PARP9: variants seen among roughly 807,000 people sequenced by gnomAD.
PARP9 encodes the protein poly(ADP-ribose) polymerase family member 9.
In PARP9, 48 loss-of-function variants were observed where a neutral mutation model predicts 68.8. That is an observed-to-expected ratio of 0.70 (90% CI 0.55 to 0.89). The LOEUF is 0.89. Among genes scored for constraint, PARP9 ranks in the 40% least tolerant of loss-of-function variants. The probability of loss-of-function intolerance (pLI) is 0.00; values close to 1 mark genes in which losing one functional copy is unlikely to be tolerated. For missense variants in PARP9, 806 were observed against 969.3 expected, an observed-to-expected ratio of 0.83 and a Z score of 2.24; for synonymous variants, 309 against 333.8, an observed-to-expected ratio of 0.93 and a Z score of 0.81.
At chr3:122,544,263 G>T (rs973989477) in intron 7 of PARP9, among the ~76,000 whole-genome samples, 1 of 152,130 alleles carries the variant, frequency 6.6e-6, no homozygotes, top group African/African-American at 2.4e-5. Flanking sequence ...CAGTCAAAAG[G>T]AATCCCTTTC....
intron 1 of PARP9, 97 bp downstream of exon 1, chr3:122,564,148 C>T: frequency 2.1e-6 from 1 of 476,616 alleles, no homozygotes; most frequent in Non-Finnish European, 3.7e-6. Flanking sequence ...AGGCCTGGCC[C>T]TGGGACCCGG....
chr3:122,539,649 C>T (rs768963561), intron 8 of PARP9, among the ~76,000 whole-genome samples: 2 of 151,664 alleles, frequency 1.3e-5, no homozygotes. Flanking sequence ...CAACCTCTGC[C>T]TCCTGGGTTC....
chr3:122,550,349 G>C (rs762202582), intron 6 of PARP9, among the ~76,000 whole-genome samples: 16 of 152,202 alleles, frequency 1.1e-4, no homozygotes, highest in Non-Finnish European at 2.1e-4. Flanking sequence ...AGAGTGCTGG[G>C]ATTACAGGTG....
chr3:122,536,944 T>C lies in PARP9; in HGVS notation c.1895A>G (p.Gln632Arg), dbSNP rs570860607. The change falls in exon 9 of 11, where the codon CAG (glutamine) becomes CGG (arginine). Residue 632 changes from glutamine (Q) to arginine (R), a missense_variant. Around this residue, in one of 2 missense-constraint regions of PARP9, gnomAD observed 680 missense variants for 858.8 expected, o/e 0.79. Transcript: ENST00000682323. ...CTTTGTTAGGTATACCTTTAGAACC[T>C]GCAAACCACATTTTTCAAACTGTTT... is the stretch of plus-strand genomic sequence containing the variant. ...QKKQFEKCGL[Q>R]VLKVEKIDNE... 2 of 1,612,752 alleles carry C rather than the reference T, an allele frequency of 1.2e-6. No individual in the cohort carries two copies. Among genetic ancestry groups the C allele is most frequent in the East Asian group, 2.2e-5 (1 of 44,868 alleles).
At chr3:122,545,674 G>C in intron 6 of PARP9, 185 bp from the exon 7 acceptor site, 1 of 579,524 alleles carries the variant, frequency 1.7e-6, no homozygotes, top group South Asian at 2.3e-5. Flanking sequence ...ATTAGAACAC[G>C]GAAAGAATAA....
chr3:122,562,282 A>G (rs371465829), intron 1 of PARP9, among the ~76,000 whole-genome samples: 1 of 151,244 alleles, frequency 6.6e-6, no homozygotes, highest in South Asian at 2.1e-4. Context: ...TCCCGGGTTC[A>G]CGCCATTCTG....
rs375530569 is a variant in PARP9, at chr3:122,528,650, T to C, written c.2174A>G (p.Tyr725Cys). ...KKISAADKLIYVFEAEVLTGF... is the reference protein window; with the variant it reads ...KKISAADKLICVFEAEVLTGF... ...TGTGAGTACTTCAGCCTCAAACACA[T>C]AGATCAGCTTATCTGCAGCAGAGAT... Residue 725 changes from tyrosine (Y) to cysteine (C), a missense_variant, in exon 11 of 11, where the codon TAT becomes TGT. Physicochemically the swap from Tyr to Cys is radical, Grantham distance 194 (BLOSUM62 -2). Coordinates refer to ENST00000682323, the MANE Select transcript of PARP9 (RefSeq NM_001146105.2). 6 of 1,614,046 alleles carry C rather than the reference T, an allele frequency of 3.7e-6. No individual in the cohort carries two copies. The African/African-American group carries it at 4.0e-5, about 11-fold the overall frequency.
intron 7 of PARP9, among the ~76,000 whole-genome samples, chr3:122,544,117 C>T (rs1559835147): frequency 6.6e-6 from 1 of 152,294 alleles, no homozygotes; most frequent in East Asian, 1.9e-4. Context: ...CCCAAACATG[C>T]ACTGGATTTC....
At chr3:122,561,121 G>A (rs998785811) in intron 1 of PARP9, among the ~76,000 whole-genome samples, 9 of 152,174 alleles carry the variant, frequency 5.9e-5, no homozygotes, top group African/African-American at 2.2e-4. Flanking sequence ...TGCCCACTCA[G>A]CCTACTATAA....
intron 6 of PARP9, among the ~76,000 whole-genome samples, chr3:122,547,119 T>TTC: frequency 7.0e-6 from 1 of 143,110 alleles, no homozygotes; most frequent in East Asian, 2.0e-4. Flanking sequence ...TTTCTTTTTT[T>TTC]TTTTTTTTGA....
intron 7 of PARP9, among the ~76,000 whole-genome samples, chr3:122,544,977 G>C (rs552078130): frequency 1.3e-5 from 2 of 152,174 alleles, no homozygotes; most frequent in Non-Finnish European, 2.9e-5. Flanking sequence ...GCGTTTGTTT[G>C]TTTTTTAAAG....
intron 10 of PARP9, chr3:122,534,020 C>T: frequency 1.0e-6 from 1 of 985,400 alleles, no homozygotes; most frequent in Non-Finnish European, 1.2e-6. Context: ...AGAGATGAGT[C>T]AATTGGTGCA....
At chr3:122,528,800 C>T (rs922500534) in intron 10 of PARP9, 57 bp from the exon 11 acceptor site, 7 of 1,408,552 alleles carry the variant, frequency 5.0e-6, no homozygotes, top group East Asian at 2.4e-5. Context: ...ATGATATTGC[C>T]GATTTGGGTA....
chr3:122,554,263 C>A (rs1295403105), intron 4 of PARP9, among the ~76,000 whole-genome samples: 1 of 152,076 alleles, frequency 6.6e-6, no homozygotes, highest in Non-Finnish European at 1.5e-5. Context: ...AGATCACATT[C>A]AAAACTCATA....
Position 122,545,475 on chromosome 3 carries a change from T to C in PARP9, c.1341A>G (p.Glu447=). 6.2e-7 allele frequency: 1 copy of C among 1,614,190 alleles called. No homozygotes were observed. Among genetic ancestry groups the C allele is most frequent in the South Asian group, 1.1e-5 (1 of 91,090 alleles). Reference sequence around the variant, plus strand: ...TCAGCATCTTGGACCTCTTTGCCATTTCAGAACTGAAAGCCTACAAGAAGC... The same window carrying C: ...TCAGCATCTTGGACCTCTTTGCCATCTCAGAACTGAAAGCCTACAAGAAGC... ...DLEIYKAFSS[E]MAKRSKMLSL... is the part of the protein sequence containing the mutation. The change falls in exon 7 of 11, where the codon GAA becomes GAG. Residue 447 remains glutamate, a synonymous_variant. Transcript: ENST00000682323.
At chr3:122,556,747 A>G (rs1451502161) in intron 3 of PARP9, among the ~76,000 whole-genome samples, 1 of 152,004 alleles carries the variant, frequency 6.6e-6, no homozygotes, top group Non-Finnish European at 1.5e-5. Context: ...CTACTGGGAA[A>G]CAGTGTAGAT....
At chr3:122,553,343 T>TC (rs958537653) in intron 4 of PARP9, among the ~76,000 whole-genome samples, 7 of 152,146 alleles carry the variant, frequency 4.6e-5, no homozygotes, top group Non-Finnish European at 8.8e-5. Flanking sequence ...TGTCCTTCCT[T>TC]CCCCCATGCC....
At chr3:122,557,699 CCT>C (rs898844534) in intron 3 of PARP9, among the ~76,000 whole-genome samples, 1 of 152,182 alleles carries the variant, frequency 6.6e-6, no homozygotes, top group African/African-American at 2.4e-5. Flanking sequence ...AGTCCGGCTT[CCT>C]CTCTTTACCT....
At chr3:122,530,876 A>T (rs1273901252) in intron 10 of PARP9, among the ~76,000 whole-genome samples, 1 of 152,206 alleles carries the variant, frequency 6.6e-6, no homozygotes, top group African/African-American at 2.4e-5. Flanking sequence ...TAGCCTGGGC[A>T]ACACAGTGAG....
Sources: allele counts gnomAD v4.1 joint callset (sites outside exome capture counted in the v4.1 genomes callset), GRCh38; gene constraint gnomAD v4.1.1; regional missense constraint gnomAD v4.1.1; transcripts MANE v1.5; gene names NCBI Gene and HGNC (gene_info 2026-07-23, HGNC 2026-07-21).